Variants in SLC11A2 observed in about 807,000 individuals in gnomAD.
SLC11A2 encodes solute carrier family 11 member 2.
Under a neutral mutation model 68.0 loss-of-function variants are expected in SLC11A2, and 38 were observed. The observed-to-expected ratio is 0.56, with a 90% confidence interval of 0.43 to 0.73. The LOEUF is 0.73. Ranked by LOEUF, SLC11A2 falls within the 30% of genes least tolerant of loss-of-function variation. SLC11A2 has a pLI of 0.00. For synonymous variants in SLC11A2, 242 were observed against 250.6 expected (o/e 0.97, Z 0.32); for missense variants, 517 against 690.5 (o/e 0.75, Z 2.82).
At chr12:51,013,926 A>G (rs61147065) in intron 1 of SLC11A2, among the ~76,000 whole-genome samples, 1 of 151,812 alleles carries the variant, frequency 6.6e-6, no homozygotes, top group Non-Finnish European at 1.5e-5. Context: ...GGTTCAAGCG[A>G]TTCTCCTACC....
intron 5 of SLC11A2, among the ~76,000 whole-genome samples, chr12:51,004,434 A>G (rs1404173977): frequency 6.6e-6 from 1 of 152,248 alleles, no homozygotes; most frequent in Non-Finnish European, 1.5e-5. Context: ...GAACATATAT[A>G]AAATGCAAAC....
chr12:51,011,666 G>A (rs1592412096), intron 1 of SLC11A2, among the ~76,000 whole-genome samples: 4 of 150,582 alleles, frequency 2.7e-5, no homozygotes, highest in South Asian at 2.1e-4. Flanking sequence ...GGGTTCAAGC[G>A]ATTCCCCTGC....
In SLC11A2 at chr12:51,026,366, C is replaced by A. The variant is rs778279919; in HGVS notation, c.-95G>T. On this transcript the variant is annotated 5_prime_UTR_variant, in exon 1 of 16. Transcript: ENST00000262052. ...CCCCCGCGCCCAGGGCTCCATATTC[C>A]GGGAGCCAGCGCCACGCTGGCTAAC... The A allele has an allele frequency of 3.9e-6, 5 of 1,281,470 alleles. No homozygotes were observed. The highest frequency in any genetic ancestry group is 3.7e-5 in the South Asian group (3 of 80,652). 79.4% of individuals were successfully genotyped at this position (1,281,470 alleles called of 1,614,324 possible). A position where few individuals can be genotyped will look rare whatever the true frequency, so the allele number is the denominator to read the frequency against.
chr12:50,958,639 A>G, the SLC11A2 span, among the ~76,000 whole-genome samples: 2 of 152,096 alleles, frequency 1.3e-5, no homozygotes, highest in Non-Finnish European at 2.9e-5. Context: ...GCTGATATTA[A>G]GGCTTACTAT....
At chr12:50,976,296 G>C (rs1238663800), downstream of SLC11A2, among the ~76,000 whole-genome samples, 1 of 152,194 alleles carries the variant, frequency 6.6e-6, no homozygotes, top group Non-Finnish European at 1.5e-5. Context: ...TATCCACCTT[G>C]ATCAAGTGGG....
the SLC11A2 span, chr12:50,954,282 GTTAT>G: frequency 2.2e-6 from 1 of 454,608 alleles, no homozygotes; most frequent in East Asian, 3.4e-5. Flanking sequence ...AATGTTAGCT[GTTAT>G]TTGAGGCATC....
chr12:50,964,562 G>T, the SLC11A2 span, among the ~76,000 whole-genome samples: 1 of 152,188 alleles, frequency 6.6e-6, no homozygotes, highest in African/African-American at 2.4e-5. Context: ...CAAGGTCCCT[G>T]CAGACTAGAT....
rs1329917035 is a variant in SLC11A2, at chr12:50,996,858, T to C, written c.790A>G (p.Ile264Val). 1 of 1,614,138 alleles carries C rather than the reference T, an allele frequency of 6.2e-7. No homozygotes were observed. The highest frequency in any genetic ancestry group is 8.5e-7 in the Non-Finnish European group (1 of 1,180,008). ...TGCAGGTACATGTTGTGTGGCATGATGACAGCTCCCACGATGCCCACAGCC... is the reference window on the plus strand; with the variant it reads ...TGCAGGTACATGTTGTGTGGCATGACGACAGCTCCCACGATGCCCACAGCC... ...EQAVGIVGAV[I>V]MPHNMYLHSA... Residue 264 changes from isoleucine (I) to valine (V), a missense_variant, in exon 9 of 16, where the codon ATC becomes GTC. Physicochemically the swap from Ile to Val is conservative, Grantham distance 29 (BLOSUM62 3). Coordinates refer to ENST00000262052, the MANE Select transcript of SLC11A2 (RefSeq NM_000617.3).
chr12:50,965,806 G>A, the SLC11A2 span, among the ~76,000 whole-genome samples: 8 of 152,220 alleles, frequency 5.3e-5, no homozygotes, highest in Admixed American at 6.5e-5. Context: ...GGAAAGGCTA[G>A]AAGGAAGACT....
downstream of SLC11A2, chr12:50,979,947 T>C: frequency 2.2e-6 from 1 of 454,090 alleles, no homozygotes; most frequent in South Asian, 1.6e-5. Flanking sequence ...AGGAGTGAGC[T>C]GGATGCAGTG....
intron 1 of SLC11A2, chr12:51,026,001 TC>T (rs1258286796): frequency 2.4e-5 from 24 of 1,015,092 alleles, no homozygotes; most frequent in African/African-American, 8.7e-5. Flanking sequence ...GGGCGCGCCA[TC>T]CGGTGCAGCT....
intron 1 of SLC11A2, among the ~76,000 whole-genome samples, chr12:51,012,513 A>C (rs2136335454): frequency 6.6e-6 from 1 of 152,258 alleles, no homozygotes; most frequent in East Asian, 1.9e-4. Context: ...TTACTGCTTA[A>C]ATCTAGTCTT....
the SLC11A2 span, among the ~76,000 whole-genome samples, chr12:50,957,623 G>A: frequency 1.3e-5 from 2 of 151,302 alleles, no homozygotes; most frequent in South Asian, 2.1e-4. Context: ...GGTGGCTCAC[G>A]CCTATAATCC....
At chr12:50,992,160 T>C (rs1315085488) in intron 13 of SLC11A2, 30 bp downstream of exon 13, 1 of 1,612,194 alleles carries the variant, frequency 6.2e-7, no homozygotes, top group East Asian at 2.2e-5. Context: ...CCTGAATAAC[T>C]AGGATGTGTT....
rs1941155510 is a variant in SLC11A2 at position 50,991,596 on chromosome 12, C to G, written c.1421+3G>C. ...CTTTGGGAACGAAGAGGAGTACACT[C>G]ACAGTCCATTGGCAAAGTCACTCAT... On this transcript the variant is annotated splice_donor_region_variant and intron_variant, in intron 14 of 15. Transcript: ENST00000262052. 2 of 1,612,992 alleles carry G rather than the reference C, an allele frequency of 1.2e-6. No individual in the cohort carries two copies. The highest frequency in any genetic ancestry group is 1.7e-6 in the Non-Finnish European group (2 of 1,179,286).
At chr12:50,974,218 A>G in the SLC11A2 span, among the ~76,000 whole-genome samples, 19 of 152,074 alleles carry the variant, frequency 1.2e-4, no homozygotes, top group Non-Finnish European at 2.6e-4. Flanking sequence ...TGAAGGCAAA[A>G]ATGTTAAGGG....
the SLC11A2 span, among the ~76,000 whole-genome samples, chr12:50,952,344 T>C: frequency 6.6e-6 from 1 of 152,210 alleles, no homozygotes; most frequent in South Asian, 2.1e-4. Context: ...TTCTTTGTAC[T>C]ATTCTGGGGA....
chr12:51,016,344 C>T (rs1401443316), intron 1 of SLC11A2, among the ~76,000 whole-genome samples: 13 of 151,424 alleles, frequency 8.6e-5, no homozygotes, highest in Non-Finnish European at 1.2e-4. Context: ...GTCAGGAGTT[C>T]GAGACCAGCC....
chr12:51,028,224 A>T, upstream of SLC11A2: 3 of 1,535,086 alleles, frequency 2.0e-6, no homozygotes, highest in Non-Finnish European at 2.6e-6. Context: ...CTTCTTCCTC[A>T]TGGTGCAGAA....
Sources: allele counts gnomAD v4.1 joint callset (sites outside exome capture counted in the v4.1 genomes callset), GRCh38; gene constraint gnomAD v4.1.1; transcripts MANE v1.5; gene names NCBI Gene and HGNC (gene_info 2026-07-23, HGNC 2026-07-21).